The following AP1G1 variants were observed in gnomAD, a reference collection of about 807,000 sequenced individuals.
The protein encoded by AP1G1 is adaptor related protein complex 1 subunit gamma 1.
Under a neutral mutation model 108.3 loss-of-function variants are expected in AP1G1, and 7 were observed. That is an observed-to-expected ratio of 0.06 (90% CI 0.04 to 0.12). The LOEUF is 0.12. Among genes scored for constraint, AP1G1 ranks in the 10% least tolerant of loss-of-function variants. The pLI is 1.00. For missense variants in AP1G1, 756 were observed against 1,010.7 expected, an observed-to-expected ratio of 0.75 and a Z score of 3.42; for synonymous variants, 379 against 353.5, an observed-to-expected ratio of 1.07 and a Z score of -0.81.
intron 19 of AP1G1, 146 bp downstream of exon 19, chr16:71,744,998 G>A (rs772789066): frequency 6.6e-5 from 55 of 828,614 alleles, no homozygotes; most frequent in Non-Finnish European, 9.1e-5. Context: ...CATATAACCC[G>A]GATATTGTGA....
At position 71,750,352 on chromosome 16, in the gene AP1G1, A is replaced by G. The variant is rs752861279; in HGVS notation, c.1285-20T>C. The G allele has an allele frequency of 1.2e-6, 2 of 1,613,106 alleles. No homozygotes were observed. The highest frequency in any genetic ancestry group is 4.5e-5 in the East Asian group (2 of 44,864). On this transcript the variant is annotated intron_variant, in intron 13 of 22. Coordinates refer to ENST00000299980, the MANE Select transcript of AP1G1 (RefSeq NM_001128.6). ...TCCTGCCTAAAAGGAAATGCAGACAATTACCCCTAGAAACACACAGAAATG... is the reference window on the plus strand; with the variant it reads ...TCCTGCCTAAAAGGAAATGCAGACAGTTACCCCTAGAAACACACAGAAATG...
intron 13 of AP1G1, among the ~76,000 whole-genome samples, chr16:71,753,199 C>T (rs531575025): frequency 6.6e-6 from 1 of 152,280 alleles, no homozygotes; most frequent in South Asian, 2.1e-4. Context: ...TCCTTGCCTA[C>T]TAATTGAATA....
chr16:71,755,509 T>C (rs1463399124), intron 12 of AP1G1, among the ~76,000 whole-genome samples: 1 of 152,222 alleles, frequency 6.6e-6, no homozygotes, highest in Admixed American at 6.5e-5. Context: ...GAAGATTTCA[T>C]AAAAGTGTGA....
At chr16:71,757,696 G>A (rs534675214) in intron 11 of AP1G1, among the ~76,000 whole-genome samples, 18 of 152,270 alleles carry the variant, frequency 1.2e-4, no homozygotes, top group Admixed American at 1.2e-3. Context: ...GTCAGAAAAT[G>A]AAATGAGGCA....
At position 71,732,726 on chromosome 16, in the gene AP1G1, C is replaced by T. The variant is rs1449994971; in HGVS notation, c.*332G>A. On this transcript the variant is annotated 3_prime_UTR_variant, in exon 23 of 23. Transcript: ENST00000299980. Reference sequence around the variant, plus strand: ...TGTTTTTTCGCCATGGATTGCAGTCCTCTCCTCCAGACCAGCTGCTTATTT... The same window carrying T: ...TGTTTTTTCGCCATGGATTGCAGTCTTCTCCTCCAGACCAGCTGCTTATTT... The T allele has an allele frequency of 4.5e-6, 1 of 223,878 alleles. No individual in the cohort carries two copies. The highest frequency in any genetic ancestry group is 8.8e-6 in the Non-Finnish European group (1 of 113,514). 13.9% of individuals were successfully genotyped at this position (223,878 alleles called of 1,614,324 possible).
chr16:71,765,371 A>G (rs1312905923), intron 7 of AP1G1, 118 bp downstream of exon 7: 1 of 632,446 alleles, frequency 1.6e-6, no homozygotes, highest in African/African-American at 1.9e-5. Flanking sequence ...ATTCATTAAT[A>G]TAATTAATCA....
chr16:71,798,849 C>T (rs111320655), intron 1 of AP1G1, among the ~76,000 whole-genome samples: 5,643 of 151,768 alleles, frequency 0.037, 352 homozygotes, highest in African/African-American at 0.13. Flanking sequence ...GATCACACCA[C>T]TGCACTCTAG....
At chr16:71,746,036 A>G (rs927420649) in intron 17 of AP1G1, among the ~76,000 whole-genome samples, 17 of 151,992 alleles carry the variant, frequency 1.1e-4, no homozygotes, top group Non-Finnish European at 1.8e-4. Context: ...TTTGAGACAG[A>G]GTCTTGCTCT....
intron 4 of AP1G1, 92 bp from the exon 5 acceptor site, chr16:71,771,344 C>T: frequency 3.0e-6 from 2 of 668,166 alleles, no homozygotes; most frequent in Admixed American, 3.2e-5. Context: ...AAAAATCTCA[C>T]CAACTAGTTC....
rs750052848 is a variant in AP1G1, at chr16:71,773,348, C to T, written c.341G>A (p.Ser114Asn). The T allele has an allele frequency of 1.3e-6, 2 of 1,541,364 alleles. No homozygotes were observed. The highest frequency in any genetic ancestry group is 1.7e-6 in the Non-Finnish European group (2 of 1,152,262). The change falls in exon 4 of 23, where the codon AGC becomes AAC. Residue 114 changes from serine (S) to asparagine (N), a missense_variant. Ser to Asn is a conservative substitution (Grantham distance 46, BLOSUM62 1). Transcript: ENST00000299980. The part of the protein sequence containing the change: ...TNCIKNDLNH[S>N]TQFVQGLALC... ...TGCTAACCCCTGTACGAATTGCGTG[C>T]TATGATTAAGATCACTGCAAAAGAA...
At chr16:71,807,680 A>T in intron 1 of AP1G1, 1 of 589,512 alleles carries the variant, frequency 1.7e-6, no homozygotes, top group Non-Finnish European at 2.6e-6. Context: ...ATTTTTTAGA[A>T]TCAGTCAGCA....
At chr16:71,808,313 C>T (rs2033068890) in intron 1 of AP1G1, 1 of 774,392 alleles carries the variant, frequency 1.3e-6, no homozygotes, top group Non-Finnish European at 1.7e-6. Flanking sequence ...GGGCAGGCAG[C>T]GATTAACTGG....
chr16:71,755,561 G>A (rs2030738841), intron 12 of AP1G1, among the ~76,000 whole-genome samples: 1 of 152,140 alleles, frequency 6.6e-6, no homozygotes, highest in Non-Finnish European at 1.5e-5. Context: ...GGCTATAATA[G>A]CCTTCTCCAA....
chr16:71,734,003 G>A (rs1451567584), intron 22 of AP1G1, among the ~76,000 whole-genome samples: 1 of 152,132 alleles, frequency 6.6e-6, no homozygotes, highest in Non-Finnish European at 1.5e-5. Context: ...AGAGGCCGAT[G>A]CTCAAAATAT....
At chr16:71,798,626 G>A (rs1374376459) in intron 1 of AP1G1, among the ~76,000 whole-genome samples, 2 of 151,808 alleles carry the variant, frequency 1.3e-5, no homozygotes, top group African/African-American at 2.4e-5. Context: ...GGTGGCTCAC[G>A]CCTGTAATCC....
intron 12 of AP1G1, among the ~76,000 whole-genome samples, chr16:71,755,650 T>TG (rs1404951025): frequency 2.5e-4 from 38 of 151,466 alleles, no homozygotes; most frequent in East Asian, 1.9e-3. Flanking sequence ...TTTTTTTTTT[T>TG]TTGTTTTGTT....
intron 12 of AP1G1, among the ~76,000 whole-genome samples, chr16:71,755,585 T>A (rs2030739528): frequency 6.6e-6 from 1 of 152,228 alleles, no homozygotes; most frequent in Non-Finnish European, 1.5e-5. Flanking sequence ...AATTTATAAT[T>A]GAGGGTTTGA....
chr16:71,770,819 T>C (rs1423517508), intron 5 of AP1G1, among the ~76,000 whole-genome samples: 2 of 152,242 alleles, frequency 1.3e-5, no homozygotes, highest in Non-Finnish European at 2.9e-5. Flanking sequence ...TTTCTTTTAT[T>C]GTAAAATAGG....
intron 10 of AP1G1, among the ~76,000 whole-genome samples, chr16:71,759,124 T>C (rs998301621): frequency 1.3e-5 from 2 of 152,182 alleles, no homozygotes; most frequent in Admixed American, 1.3e-4. Context: ...CAGGAGGTGC[T>C]TTGGATTTTA....
Sources: gnomAD v4.1 joint callset for allele counts (sites outside exome capture counted in the v4.1 genomes callset) on GRCh38, gnomAD v4.1.1 for gene constraint, MANE v1.5 for transcripts, NCBI Gene and HGNC (gene_info 2026-07-23, HGNC 2026-07-21) for gene names.